The following CRISPLD1 variants were observed in gnomAD, a reference collection of about 807,000 sequenced individuals.
CRISPLD1 encodes cysteine-rich secretory protein LCCL domain-containing 1.
Under a neutral mutation model 77.5 loss-of-function variants are expected in CRISPLD1, and 60 were observed. That is an observed-to-expected ratio of 0.77 (90% CI 0.63 to 0.96). CRISPLD1 has a LOEUF of 0.96. Ranked by LOEUF, CRISPLD1 falls within the 40% of genes least tolerant of loss-of-function variation. CRISPLD1 has a pLI of 0.00. For missense variants in CRISPLD1, 623 were observed against 615.8 expected (o/e 1.01, Z -0.12); for synonymous variants, 195 against 200.1 (o/e 0.97, Z 0.22).
At chr8:75,006,861 T>C (rs988834641) in intron 2 of CRISPLD1, among the ~76,000 whole-genome samples, 3 of 152,096 alleles carry the variant, frequency 2.0e-5, no homozygotes, top group Non-Finnish European at 2.9e-5. Flanking sequence ...GTAATTTATA[T>C]GTGAAAGTCT....
chr8:74,990,716 C>T (rs1021225201), intron 2 of CRISPLD1, among the ~76,000 whole-genome samples: 2 of 150,706 alleles, frequency 1.3e-5, no homozygotes, highest in South Asian at 2.1e-4. Flanking sequence ...ACCCGCCAGT[C>T]TCTTTGTTGT....
intron 8 of CRISPLD1, 37 bp from the exon 9 acceptor site, chr8:75,017,010 G>A (rs1813042440): frequency 6.3e-7 from 1 of 1,592,234 alleles, no homozygotes; most frequent in Non-Finnish European, 8.6e-7. Context: ...CTGACATTCA[G>A]AGAAACTAAA....
chr8:75,004,698 T>C lies in CRISPLD1; in HGVS notation c.259-7735T>C, dbSNP rs538550264. On this transcript the variant is annotated intron_variant, in intron 2 of 14. Coordinates refer to ENST00000262207, the MANE Select transcript of CRISPLD1 (RefSeq NM_031461.6). ...TAAGATGGATGATTTACAAACCTGT[T>C]TTATTTCAGAAGTGGTAGCATAGTA... Among the ~76,000 whole-genome samples, 6 of 152,300 alleles carry C rather than the reference T, an allele frequency of 3.9e-5. No homozygotes were observed. In the South Asian group the frequency reaches 1.2e-3, roughly 32 times the overall value.
intron 2 of CRISPLD1, chr8:75,000,519 C>T: frequency 1.4e-6 from 1 of 697,566 alleles, no homozygotes; most frequent in Non-Finnish European, 1.8e-6. Context: ...GCCAAGCCTG[C>T]TGCCCTTTGC....
chr8:74,994,072 TACTC>T (rs1452746768), intron 2 of CRISPLD1, among the ~76,000 whole-genome samples: 2 of 152,170 alleles, frequency 1.3e-5, no homozygotes, highest in Non-Finnish European at 2.9e-5. Context: ...TACTTACAAT[TACTC>T]AGGATCATTC....
intron 2 of CRISPLD1, among the ~76,000 whole-genome samples, chr8:75,002,937 A>T (rs561794016): frequency 5.3e-5 from 8 of 152,218 alleles, no homozygotes; most frequent in Non-Finnish European, 1.0e-4. Flanking sequence ...TCATCCTTTT[A>T]GTCATTGTTT....
intron 2 of CRISPLD1, chr8:75,000,490 T>C (rs1373778445): frequency 3.2e-6 from 3 of 926,038 alleles, no homozygotes; most frequent in Non-Finnish European, 3.9e-6. Context: ...CTTGAGATTT[T>C]TGATGCTGAA....
Position 75,014,803 on chromosome 8 carries a change from C to T in CRISPLD1, c.627-9C>T. 1 of 1,591,292 alleles carries T rather than the reference C, an allele frequency of 6.3e-7. No individual in the cohort carries two copies. The highest frequency in any genetic ancestry group is 8.6e-7 in the Non-Finnish European group (1 of 1,165,696). On this transcript the variant is annotated splice_polypyrimidine_tract_variant and intron_variant, in intron 5 of 14. Coordinates refer to ENST00000262207, the MANE Select transcript of CRISPLD1 (RefSeq NM_031461.6). ...ACTACTTTTTAATAGAGCGTATCAT[C>T]TCTTAAAGGGGAAACTGGTGGGGCC...
intron 2 of CRISPLD1, among the ~76,000 whole-genome samples, chr8:74,998,293 T>G (rs1471579948): frequency 1.3e-5 from 2 of 151,906 alleles, no homozygotes; most frequent in Non-Finnish European, 2.9e-5. Flanking sequence ...TATGAAAAAA[T>G]AGTAGTTTTG....
intron 2 of CRISPLD1, among the ~76,000 whole-genome samples, chr8:75,003,070 T>C (rs1030157088): frequency 1.2e-4 from 19 of 152,216 alleles, no homozygotes; most frequent in Admixed American, 1.2e-3. Context: ...CAGGAAACCG[T>C]ATGTTGTTTG....
At chr8:74,998,985 T>C (rs548072915) in intron 2 of CRISPLD1, among the ~76,000 whole-genome samples, 1 of 152,168 alleles carries the variant, frequency 6.6e-6, no homozygotes, top group African/African-American at 2.4e-5. Context: ...TACAGATACA[T>C]ACCAAATAGC....
At chr8:74,997,736 C>T (rs1021274806) in intron 2 of CRISPLD1, among the ~76,000 whole-genome samples, 1 of 151,948 alleles carries the variant, frequency 6.6e-6, no homozygotes, top group African/African-American at 2.4e-5. Context: ...GGCTGGTGTC[C>T]CAGAAGCCAG....
At chr8:75,019,591 AT>A (rs1221503428) in intron 10 of CRISPLD1, among the ~76,000 whole-genome samples, 16 of 151,798 alleles carry the variant, frequency 1.1e-4, no homozygotes, top group Non-Finnish European at 2.2e-4. Context: ...AACCAAATAT[AT>A]TTTTTATATA....
chr8:75,016,829 C>T, intron 7 of CRISPLD1, 52 bp from the exon 8 acceptor site: 1 of 1,521,648 alleles, frequency 6.6e-7, no homozygotes, highest in African/African-American at 1.4e-5. Context: ...ATATAATGAA[C>T]TACAACTGCT....
chr8:74,986,389 G>A (rs1004027096), intron 2 of CRISPLD1, 144 bp downstream of exon 2: 2 of 809,912 alleles, frequency 2.5e-6, no homozygotes, highest in South Asian at 1.8e-5. Context: ...CTGCATATTC[G>A]TTTATTAATG....
intron 2 of CRISPLD1, among the ~76,000 whole-genome samples, chr8:74,998,685 CAAA>C (rs368258595): frequency 0.042 from 2,147 of 50,896 alleles, 81 homozygotes; most frequent in African/African-American, 0.15. Context: ...GACTCCATCT[CAAA>C]AAAAAAAAAA....
chr8:75,020,184 G>A, intron 12 of CRISPLD1, 105 bp downstream of exon 12: 1 of 859,096 alleles, frequency 1.2e-6, no homozygotes, highest in East Asian at 2.5e-5. Flanking sequence ...GAACTTCTAA[G>A]CAGGAGGGAG....
chr8:75,003,674 A>T lies in CRISPLD1; in HGVS notation c.259-8759A>T, dbSNP rs115306824. Among the ~76,000 whole-genome samples the T allele has an allele frequency of 9.3e-3, 1,413 of 152,332 alleles. 21 individuals carry two copies. The highest frequency in any genetic ancestry group is 0.032 in the African/African-American group (1,326 of 41,564). ...AAAGATCAAGAAGTAAAGAATATGT[A>T]TAGATCAAGACTTAAAGTACCATCA... On this transcript the variant is annotated intron_variant, in intron 2 of 14. Transcript: ENST00000262207.
intron 13 of CRISPLD1, among the ~76,000 whole-genome samples, chr8:75,028,362 T>C (rs1813273009): frequency 6.6e-6 from 1 of 152,112 alleles, no homozygotes; most frequent in African/African-American, 2.4e-5. Context: ...CATGCTTATT[T>C]TAAAAAGCAT....
Sources: gnomAD v4.1 joint callset for allele counts (sites outside exome capture counted in the v4.1 genomes callset) on GRCh38, gnomAD v4.1.1 for gene constraint, MANE v1.5 for transcripts, NCBI Gene and HGNC (gene_info 2026-07-23, HGNC 2026-07-21) for gene names.